PTPRN2: variants seen among roughly 807,000 people sequenced by gnomAD.
PTPRN2 encodes the protein protein tyrosine phosphatase receptor type N2.
PTPRN2 carries 74 observed loss-of-function variants against 118.8 expected under a neutral mutation model. The observed-to-expected ratio is 0.62, with a 90% CI of 0.52 to 0.76. The LOEUF is 0.76. Among genes scored for constraint, PTPRN2 ranks in the 30% least tolerant of loss-of-function variants. The pLI is 0.00. For missense variants in PTPRN2, 1,481 were observed against 1,394.4 expected, an observed-to-expected ratio of 1.06 and a Z score of -0.99; for synonymous variants, 641 against 608.0, an observed-to-expected ratio of 1.05 and a Z score of -0.80.
At chr7:157,827,872 G>T (rs1349268682) in intron 12 of PTPRN2, among the ~76,000 whole-genome samples, 1 of 152,212 alleles carries the variant, frequency 6.6e-6, no homozygotes, top group Non-Finnish European at 1.5e-5. Flanking sequence ...CCTTCCTCGG[G>T]CTGCACGTTC....
At chr7:158,054,025 TCCAGAGATGCAGAGACC>T (rs1417304240) in intron 11 of PTPRN2, among the ~76,000 whole-genome samples, 9 of 89,166 alleles carry the variant, frequency 1.0e-4, no homozygotes, top group Non-Finnish European at 1.8e-4. Context: ...ACGCAGAGAC[TCCAGAGATGCAGAGACC>T]CCAGAGATGC....
rs576644436 is a variant in PTPRN2, at chr7:158,252,035, A to G, written c.278-46762T>C. 1.3e-4 allele frequency among the ~76,000 whole-genome samples: 20 copies of G among 152,226 alleles called. No individual in the cohort carries two copies. In the East Asian group the frequency reaches 3.1e-3, roughly 24 times the overall value. ...GCCCCTTCTTGGCTCTGGCCTCCTC[A>G]TCGTCTGTGGGACACGCCCATTTTA... is the stretch of plus-strand genomic sequence containing the variant. On this transcript the variant is annotated intron_variant, in intron 3 of 22. Transcript: ENST00000389418.
At chr7:158,229,230 T>C (rs1166107076) in intron 3 of PTPRN2, among the ~76,000 whole-genome samples, 2 of 151,752 alleles carry the variant, frequency 1.3e-5, no homozygotes, top group African/African-American at 4.8e-5. Context: ...AAAAAGAAAT[T>C]CCACAGGTAA....
chr7:157,758,324 C>T (rs1211845153), intron 12 of PTPRN2, among the ~76,000 whole-genome samples: 5 of 152,370 alleles, frequency 3.3e-5, no homozygotes, highest in East Asian at 3.9e-4. Flanking sequence ...GGTCATGCTC[C>T]GCTCAGGCGG....
intron 21 of PTPRN2, among the ~76,000 whole-genome samples, chr7:157,562,362 C>T (rs10267745): frequency 0.01 from 1,596 of 152,268 alleles, 23 homozygotes; most frequent in African/African-American, 0.037. Context: ...CAGGAGCCAC[C>T]GTAGTGCCAC....
At chr7:157,637,945 A>G (rs1413153776) in intron 14 of PTPRN2, among the ~76,000 whole-genome samples, 1 of 152,268 alleles carries the variant, frequency 6.6e-6, no homozygotes, top group Admixed American at 6.5e-5. Context: ...GGAGACATGC[A>G]TGTCTTCTTC....
intron 1 of PTPRN2, among the ~76,000 whole-genome samples, chr7:158,583,427 G>A (rs760483354): frequency 2.0e-5 from 3 of 152,084 alleles, no homozygotes; most frequent in Admixed American, 6.5e-5. Flanking sequence ...ACACCATCTC[G>A]GAGTAAAGCA....
chr7:158,432,107 G>A (rs1586660751), intron 2 of PTPRN2, among the ~76,000 whole-genome samples: 2 of 152,206 alleles, frequency 1.3e-5, no homozygotes, highest in African/African-American at 2.4e-5. Context: ...GCTGACTCAC[G>A]GGATGCCTTG....
intron 12 of PTPRN2, among the ~76,000 whole-genome samples, chr7:157,783,362 C>A (rs1051764572): frequency 1.3e-5 from 2 of 151,730 alleles, no homozygotes; most frequent in African/African-American, 4.8e-5. Flanking sequence ...GCACAGCACA[C>A]CGGGAGGGTC....
chr7:158,365,787 CCA>C (rs1223975910), intron 2 of PTPRN2, among the ~76,000 whole-genome samples: 1 of 95,998 alleles, frequency 1.0e-5, no homozygotes, highest in African/African-American at 4.0e-5. Flanking sequence ...ACACACACAC[CCA>C]CACACACACA....
chr7:157,925,460 G>A (rs1246226451), intron 11 of PTPRN2, among the ~76,000 whole-genome samples: 2 of 152,194 alleles, frequency 1.3e-5, no homozygotes, highest in Non-Finnish European at 1.5e-5. Flanking sequence ...TCCAAATCAC[G>A]GCTGTCACAA....
intron 11 of PTPRN2, among the ~76,000 whole-genome samples, chr7:157,954,647 C>A (rs901371726): frequency 6.6e-6 from 1 of 151,972 alleles, no homozygotes; most frequent in Non-Finnish European, 1.5e-5. Context: ...TGGTCTCAGC[C>A]GGGGTGATAT....
intron 2 of PTPRN2, among the ~76,000 whole-genome samples, chr7:158,453,463 A>G (rs13307422): frequency 0.32 from 19,087 of 60,016 alleles, 2,982 homozygotes; most frequent in Middle Eastern, 0.42. Context: ...ATTGAAAGAG[A>G]ACAGTCCTCA....
chr7:157,816,193 G>A (rs1444025333), intron 12 of PTPRN2, among the ~76,000 whole-genome samples: 1 of 152,164 alleles, frequency 6.6e-6, no homozygotes, highest in Non-Finnish European at 1.5e-5. Flanking sequence ...CTCGCCTCCT[G>A]CCTCCCGCCT....
At chr7:157,634,072 C>T (rs934962381) in intron 14 of PTPRN2, among the ~76,000 whole-genome samples, 3 of 152,090 alleles carry the variant, frequency 2.0e-5, no homozygotes, top group Admixed American at 6.5e-5. Context: ...CAGGGTGCAC[C>T]GCGTCCTGCA....
chr7:158,012,598 C>T lies in PTPRN2; in HGVS notation c.1723+68700G>A, dbSNP rs544599441. Among the ~76,000 whole-genome samples, 9 of 152,310 alleles carry T rather than the reference C, an allele frequency of 5.9e-5. No individual in the cohort carries two copies. The South Asian group carries it at 1.9e-3, about 32-fold the overall frequency. On this transcript the variant is annotated intron_variant, in intron 11 of 22. Transcript: ENST00000389418. ...GCTCTTATTACCACCGCTTGAAGAA[C>T]ATGGTACATTTGTTTCTCATATAAA...
intron 2 of PTPRN2, among the ~76,000 whole-genome samples, chr7:158,437,712 C>T (rs1816666749): frequency 6.6e-6 from 1 of 152,206 alleles, no homozygotes; most frequent in East Asian, 1.9e-4. Context: ...ATTCCAGTTT[C>T]ATCTCTTCAG....
At chr7:158,339,384 C>G (rs1450223951) in intron 2 of PTPRN2, among the ~76,000 whole-genome samples, 2 of 9,490 alleles carry the variant, frequency 2.1e-4, no homozygotes, top group East Asian at 1.2e-3. Context: ...ACCATAAGAG[C>G]TGATGCCTGC....
chr7:158,380,922 G>GC (rs1370951483), intron 2 of PTPRN2, among the ~76,000 whole-genome samples: 3 of 152,250 alleles, frequency 2.0e-5, no homozygotes, highest in African/African-American at 4.8e-5. Context: ...CTTGGGGCTT[G>GC]CCCCCCTCTG....
Sources: gnomAD v4.1 joint callset for allele counts (sites outside exome capture counted in the v4.1 genomes callset) on GRCh38, gnomAD v4.1.1 for gene constraint, MANE v1.5 for transcripts, NCBI Gene and HGNC (gene_info 2026-07-23, HGNC 2026-07-21) for gene names.